ATXN7L2: variants seen among roughly 807,000 people sequenced by gnomAD.
The protein encoded by ATXN7L2 is ataxin 7 like 2.
In ATXN7L2, 17 loss-of-function variants were observed where a neutral mutation model predicts 59.6. The ratio of observed to expected loss-of-function variants is 0.29; its 90% CI spans 0.20 to 0.43. The LOEUF is 0.43. ATXN7L2 is among the 20% of genes least tolerant of loss of function. The probability of loss-of-function intolerance (pLI) is 1.00; values close to 1 mark genes in which losing one functional copy is unlikely to be tolerated. For missense variants in ATXN7L2, 858 were observed against 1,008.9 expected, an observed-to-expected ratio of 0.85 and a Z score of 2.03; for synonymous variants, 378 against 392.5, an observed-to-expected ratio of 0.96 and a Z score of 0.44.
In ATXN7L2 at chr1:109,486,076, T is replaced by G. The variant is rs769002881; in HGVS notation, c.147T>G (p.Ser49Arg). Residue 49 changes from serine to arginine, a missense_variant, in exon 2 of 11, where the codon AGT becomes AGG. Physicochemically the swap from Ser to Arg is moderately radical, Grantham distance 110. This residue lies in a region of ATXN7L2 where 95 missense variants were observed against 82.6 expected (regional missense o/e 1.15). Coordinates refer to ENST00000683729, the MANE Select transcript of ATXN7L2 (RefSeq NM_001350175.2). The surrounding 1 kb of genome is among the most constrained non-coding windows in gnomAD (Gnocchi z 4.3). ...CTCTAGGGGCTGAGCTGGAGGAGAGTAGCAAAAACACGAAGAAGTTGGATG... is the reference window on the plus strand; with the variant it reads ...CTCTAGGGGCTGAGCTGGAGGAGAGGAGCAAAAACACGAAGAAGTTGGATG... ...PAADGAELEE[S>R]SKNTKKLDAM... The G allele has an allele frequency of 6.3e-7, 1 of 1,596,244 alleles. No individual in the cohort carries two copies. Among genetic ancestry groups the G allele is most frequent in the African/African-American group, 1.4e-5 (1 of 73,846 alleles).
In ATXN7L2 at chr1:109,488,512, G is replaced by A; in HGVS notation, c.879+47G>A. On this transcript the variant is annotated intron_variant, in intron 6 of 10. Coordinates refer to ENST00000683729, the MANE Select transcript of ATXN7L2 (RefSeq NM_001350175.2). This position sits in a 1 kb window ranked among gnomAD's most constrained non-coding sequence, Gnocchi z 5.0. ...GGTGAGGGAGGACAGCACAGGGCTT[G>A]CCCACTCCTTCCCTGGGCAAAGAGA... The A allele has an allele frequency of 1.3e-6, 2 of 1,539,474 alleles. No individual in the cohort carries two copies. Among genetic ancestry groups the A allele is most frequent in the East Asian group, 2.3e-5 (1 of 43,848 alleles).
rs148295757 is a variant in ATXN7L2, at chr1:109,488,776, A to T, written c.880-71A>T. 13,902 of 1,537,156 alleles carry T rather than the reference A, an allele frequency of 9.0e-3. 81 individuals carry two copies. Among genetic ancestry groups the T allele is most frequent in the Middle Eastern group, 0.011 (65 of 5,692 alleles). On this transcript the variant is annotated intron_variant, in intron 6 of 10. Coordinates refer to ENST00000683729, the MANE Select transcript of ATXN7L2 (RefSeq NM_001350175.2). The surrounding 1 kb of genome is among the most constrained non-coding windows in gnomAD (Gnocchi z 5.0). ...CTGCCCCCCAACTTGCCCGGGCCAA[A>T]GCACCCTGCCGTCCCTCACCCCTTC...
Position 109,491,517 on chromosome 1 carries a change from G to A in ATXN7L2, c.2050G>A (p.Gly684Arg), listed in dbSNP as rs1657072419. 10 of 1,613,868 alleles carry A rather than the reference G, an allele frequency of 6.2e-6. No individual in the cohort carries two copies. Among genetic ancestry groups the A allele is most frequent in the African/African-American group, 1.3e-5 (1 of 74,952 alleles). ...TCAGCTGGAGAACCGGGGAGCAGCT[G>A]GACACCCAGCCAAGGCCCTGCCAAC... ...ASQLENRGAA[G>R]HPAKALPTNC... is the part of the protein sequence containing the mutation. The change falls in exon 10 of 11, where the codon GGA (glycine) becomes AGA (arginine). Residue 684 changes from glycine (G) to arginine (R), a missense_variant. Gly to Arg is a moderately radical substitution (Grantham distance 125). Coordinates refer to ENST00000683729, the MANE Select transcript of ATXN7L2 (RefSeq NM_001350175.2). The surrounding 1 kb of genome is among the most constrained non-coding windows in gnomAD (Gnocchi z 4.1).
At chr1:109,492,203 A>G in intron 10 of ATXN7L2, 5 of 785,990 alleles carry the variant, frequency 6.4e-6, no homozygotes, top group Non-Finnish European at 8.0e-6. Flanking sequence ...GCCCACCTCC[A>G]GGTGTGCAGG....
Position 109,486,730 on chromosome 1 carries a change from G to A in ATXN7L2, c.298+120G>A, listed in dbSNP as rs1656607501. The A allele has an allele frequency of 3.4e-6, 3 of 885,428 alleles. No individual in the cohort carries two copies. Among genetic ancestry groups the A allele is most frequent in the Non-Finnish European group, 3.5e-6 (2 of 578,206 alleles). The allele number at this position is 885,428 out of a possible 1,614,324, so 54.8% of individuals were successfully genotyped here. Reference sequence around the variant, plus strand: ...GGAGGGTGGTGTTGAGGATAGGAAGGTTGTGGGGGTGGCTTCAGAGCATTG... The same window carrying A: ...GGAGGGTGGTGTTGAGGATAGGAAGATTGTGGGGGTGGCTTCAGAGCATTG... On this transcript the variant is annotated intron_variant, in intron 3 of 10. Coordinates refer to ENST00000683729, the MANE Select transcript of ATXN7L2 (RefSeq NM_001350175.2). The surrounding 1 kb of genome is among the most constrained non-coding windows in gnomAD (Gnocchi z 4.3).
Position 109,492,675 on chromosome 1 carries a change from C to T in ATXN7L2, c.*75C>T, listed in dbSNP as rs771025004. On this transcript the variant is annotated 3_prime_UTR_variant, in exon 11 of 11. Coordinates refer to ENST00000683729, the MANE Select transcript of ATXN7L2 (RefSeq NM_001350175.2). ...CCAGATCCGGGCCCCAGGCTGCTGCCGCTTTTTATAACTTTATATTATTTT... is the reference window on the plus strand; with the variant it reads ...CCAGATCCGGGCCCCAGGCTGCTGCTGCTTTTTATAACTTTATATTATTTT... 85 of 1,541,348 alleles carry T rather than the reference C, an allele frequency of 5.5e-5. 1 individual carries two copies. The highest frequency in any genetic ancestry group is 6.6e-5 in the Non-Finnish European group (75 of 1,130,182).
Position 109,486,221 on chromosome 1 carries a change from T to C in ATXN7L2, c.193+99T>C. On this transcript the variant is annotated intron_variant, in intron 2 of 10. Coordinates refer to ENST00000683729, the MANE Select transcript of ATXN7L2 (RefSeq NM_001350175.2). This position sits in a 1 kb window ranked among gnomAD's most constrained non-coding sequence, Gnocchi z 4.3. ...GAAGGAGGTGGCTGCTTGAAGCAGC[T>C]GTCTGGGGACCCTCATTTTGATAGG... The C allele has an allele frequency of 6.8e-7, 1 of 1,469,244 alleles. No individual in the cohort carries two copies. The highest frequency in any genetic ancestry group is 9.0e-7 in the Non-Finnish European group (1 of 1,106,420). 91.0% of individuals were successfully genotyped at this position (1,469,244 alleles called of 1,614,324 possible).
rs756123694 is a variant in ATXN7L2, at chr1:109,488,470, C to T, written c.879+5C>T. 1.2e-6 allele frequency: 2 copies of T among 1,606,676 alleles called. No individual in the cohort carries two copies. Among genetic ancestry groups the T allele is most frequent in the Admixed American group, 3.4e-5 (2 of 59,530 alleles). Reference sequence around the variant, plus strand: ...ACCCGCCTGTTGACCTGCAAGGTAACCCCCTTCCCACTGCACGGTGAGGGA... The same window carrying T: ...ACCCGCCTGTTGACCTGCAAGGTAATCCCCTTCCCACTGCACGGTGAGGGA... On this transcript the variant is annotated splice_donor_5th_base_variant and intron_variant, in intron 6 of 10. Transcript: ENST00000683729. The surrounding 1 kb of genome is among the most constrained non-coding windows in gnomAD (Gnocchi z 5.0).
chr1:109,484,103 C>A, intron 1 of ATXN7L2, 23 bp downstream of exon 1: 1 of 1,484,652 alleles, frequency 6.7e-7, no homozygotes. Context: ...ACCCTAAAGT[C>A]CGGGGACCCC....
chr1:109,487,674 A>G lies in ATXN7L2; in HGVS notation c.666A>G (p.Lys222=). Residue 222 remains lysine, a synonymous_variant, in exon 5 of 11, where the codon AAA becomes AAG. Transcript: ENST00000683729. Reference sequence around the variant, plus strand: ...AACCTCCCATGGCTCCCCCTTCTAAAGAACCTCCTGGCAGAGAGAACATCG... The same window carrying G: ...AACCTCCCATGGCTCCCCCTTCTAAGGAACCTCCTGGCAGAGAGAACATCG... ...PGKPPMAPPS[K]EPPGRENIEI... is the part of the protein sequence containing the mutation. 1 of 1,612,512 alleles carries G rather than the reference A, an allele frequency of 6.2e-7. No homozygotes were observed. Among genetic ancestry groups the G allele is most frequent in the South Asian group, 1.1e-5 (1 of 90,812 alleles).
chr1:109,490,437 C>G (rs1233359297), intron 9 of ATXN7L2, 45 bp downstream of exon 9: 1 of 1,600,884 alleles, frequency 6.2e-7, no homozygotes, highest in African/African-American at 1.3e-5. Context: ...ATGGAAATTC[C>G]TAGGTTCCAG....
rs780168906 is a variant in ATXN7L2, at chr1:109,483,994, T to C, written c.41T>C (p.Leu14Pro). Residue 14 changes from leucine to proline, a missense_variant, in exon 1 of 11, where the codon CTG becomes CCG. Leu to Pro is a moderately conservative substitution (Grantham distance 98). Transcript: ENST00000683729. ...CGCGCGGCGGCAGCAATGGCCGCTC[T>C]GGAGCGGCGGGTGCCGAGTCTCGAT... ...RERAAAAMAA[L>P]ERRVPSLDDF... The C allele has an allele frequency of 1.4e-6, 2 of 1,424,986 alleles. No individual in the cohort carries two copies. Among genetic ancestry groups the C allele is most frequent in the Non-Finnish European group, 1.9e-6 (2 of 1,077,766 alleles). 88.3% of individuals were successfully genotyped at this position (1,424,986 alleles called of 1,614,324 possible). A position where few individuals can be genotyped will look rare whatever the true frequency, so the allele number is the denominator to read the frequency against.
chr1:109,492,205 G>T, intron 10 of ATXN7L2: 1 of 794,880 alleles, frequency 1.3e-6, no homozygotes, highest in Non-Finnish European at 1.6e-6. Flanking sequence ...CCACCTCCAG[G>T]TGTGCAGGTG....
intron 7 of ATXN7L2, 42 bp from the exon 8 acceptor site, chr1:109,489,888 A>C: frequency 6.2e-7 from 1 of 1,608,726 alleles, no homozygotes; most frequent in East Asian, 2.2e-5. Flanking sequence ...CTCTGACCCC[A>C]CAACAGTCAC....
Position 109,486,104 on chromosome 1 carries a change from A to G in ATXN7L2, c.175A>G (p.Met59Val), listed in dbSNP as rs985926613. The change falls in exon 2 of 11, where the codon ATG becomes GTG. Residue 59 changes from methionine (M) to valine (V), a missense_variant. This residue lies in a region of ATXN7L2 where 29 missense variants were observed against 64.0 expected (regional missense o/e 0.45). Coordinates refer to ENST00000683729, the MANE Select transcript of ATXN7L2 (RefSeq NM_001350175.2). The surrounding 1 kb of genome is among the most constrained non-coding windows in gnomAD (Gnocchi z 4.3). ...SSKNTKKLDA[M>V]TLIKEDMSIF... ...CAAAAACACGAAGAAGTTGGATGCC[A>G]TGACCCTCATTAAAGAAGGTGGGAG... 2.5e-6 allele frequency: 4 copies of G among 1,599,876 alleles called. No individual in the cohort carries two copies. Among genetic ancestry groups the G allele is most frequent in the Non-Finnish European group, 3.4e-6 (4 of 1,174,688 alleles).
At position 109,488,341 on chromosome 1, in the gene ATXN7L2, T is replaced by C; in HGVS notation, c.797-42T>C. On this transcript the variant is annotated intron_variant, in intron 5 of 10. Coordinates refer to ENST00000683729, the MANE Select transcript of ATXN7L2 (RefSeq NM_001350175.2). This position sits in a 1 kb window ranked among gnomAD's most constrained non-coding sequence, Gnocchi z 5.0. ...GCGGCCAAATCCTCCTGTAAACTCCTGGAAATGGTCTTGAGGTTCATTGGA... is the reference window on the plus strand; with the variant it reads ...GCGGCCAAATCCTCCTGTAAACTCCCGGAAATGGTCTTGAGGTTCATTGGA... 1.9e-6 allele frequency: 3 copies of C among 1,548,488 alleles called. No individual in the cohort carries two copies. The highest frequency in any genetic ancestry group is 2.6e-6 in the Non-Finnish European group (3 of 1,136,028).
At chr1:109,489,212 C>T (rs1464076553) in intron 7 of ATXN7L2, 112 bp downstream of exon 7, 4 of 1,389,972 alleles carry the variant, frequency 2.9e-6, no homozygotes, top group Non-Finnish European at 3.9e-6. Context: ...TCCCTCAGCC[C>T]TGAGTGTGGG....
Position 109,490,932 on chromosome 1 carries a change from C to A in ATXN7L2, c.1465C>A (p.Pro489Thr). Residue 489 changes from proline (P) to threonine (T), a missense_variant, in exon 10 of 11, where the codon CCG becomes ACG. By Grantham distance (38) the Pro-to-Thr change is conservative. Around this residue, in one of 3 missense-constraint regions of ATXN7L2, gnomAD observed 734 missense variants for 862.3 expected, o/e 0.85. Coordinates refer to ENST00000683729, the MANE Select transcript of ATXN7L2 (RefSeq NM_001350175.2). ...TTCTTTTTGCTGCAGGAAGATCCCA[C>A]CGGCAGCTGAACCTCCAGCTCACCT... Reference protein sequence around the residue: ...LSTHMWKKIPPAAEPPAHLVN... With the variant: ...LSTHMWKKIPTAAEPPAHLVN... The A allele has an allele frequency of 6.4e-7, 1 of 1,552,164 alleles. No individual in the cohort carries two copies. The highest frequency in any genetic ancestry group is 8.7e-7 in the Non-Finnish European group (1 of 1,148,858).
chr1:109,488,454 T>C lies in ATXN7L2; in HGVS notation c.868T>C (p.Leu290=). ...PETKKICTRL[L]TCKIHSVHQR... The stretch of plus-strand genomic sequence containing the variant: ...GACCAAAAAGATCTGTACCCGCCTG[T>C]TGACCTGCAAGGTAACCCCCTTCCC... The change falls in exon 6 of 11, where the codon TTG becomes CTG. Residue 290 remains leucine (L), a synonymous_variant. Transcript: ENST00000683729. The surrounding 1 kb of genome is among the most constrained non-coding windows in gnomAD (Gnocchi z 5.0). 3 of 1,609,068 alleles carry C rather than the reference T, an allele frequency of 1.9e-6. No individual in the cohort carries two copies. The highest frequency in any genetic ancestry group is 2.5e-6 in the Non-Finnish European group (3 of 1,177,108).
Sources: gnomAD v4.1 joint callset for allele counts on GRCh38, gnomAD v4.1.1 for gene constraint, gnomAD v4.1.1 regional missense constraint, Gnocchi (gnomAD v3.1) non-coding constraint, MANE v1.5 for transcripts, NCBI Gene and HGNC (gene_info 2026-07-23, HGNC 2026-07-21) for gene names.